Variants in ZBED6 observed in about 807,000 individuals in gnomAD.
The protein encoded by ZBED6 is zinc finger BED domain-containing protein 6.
ZBED6 carries 40 observed loss-of-function variants against 58.4 expected under a neutral mutation model. The observed-to-expected ratio is 0.68, with a 90% CI of 0.53 to 0.89. The LOEUF is 0.89. Ranked by LOEUF, ZBED6 falls within the 40% of genes least tolerant of loss-of-function variation. ZBED6 has a pLI of 0.00. For synonymous variants in ZBED6, 439 were observed against 350.6 expected, an observed-to-expected ratio of 1.25 and a Z score of -2.82; for missense variants, 1,057 against 1,003.9, an observed-to-expected ratio of 1.05 and a Z score of -0.71.
intron 4 of ZBED6, among the ~76,000 whole-genome samples, 197 bp downstream of exon 4, chr1:203,828,619 A>G (rs762064412): frequency 6.6e-6 from 1 of 152,208 alleles, no homozygotes; most frequent in South Asian, 2.1e-4. Flanking sequence ...ATATCTTGGC[A>G]TGCCATTTAA....
At chr1:203,840,605 A>ATTATTTATTTAT (rs534962124) in intron 11 of ZBED6, among the ~76,000 whole-genome samples, 9,191 of 147,628 alleles carry the variant, frequency 0.062, 325 homozygotes, top group Non-Finnish European at 0.072. Context: ...ATAGTAGGAA[A>ATTATTTATTTAT]TTATTTATTT....
At chr1:203,838,133 C>T in intron 10 of ZBED6, 69 bp downstream of exon 10, 2 of 1,423,916 alleles carry the variant, frequency 1.4e-6, no homozygotes, top group Non-Finnish European at 1.9e-6. Flanking sequence ...ATGCTAACAG[C>T]TATGGTTTTT....
intron 3 of ZBED6, among the ~76,000 whole-genome samples, chr1:203,821,866 T>C (rs1678837049): frequency 6.6e-6 from 1 of 151,958 alleles, no homozygotes; most frequent in African/African-American, 2.4e-5. Context: ...CACACCATTC[T>C]CCTGTTTCAG....
At chr1:203,851,650 C>T (rs1417661404) in intron 16 of ZBED6, among the ~76,000 whole-genome samples, 1 of 152,026 alleles carries the variant, frequency 6.6e-6, no homozygotes, top group African/African-American at 2.4e-5. Context: ...GTCTTTAACA[C>T]CTACTTTGAG....
exon 1 of ZBED6, chr1:203,800,386 A>G (rs1176168785): frequency 4.9e-6 from 5 of 1,026,120 alleles, no homozygotes; most frequent in Non-Finnish European, 7.3e-6. Flanking sequence ...AACTACGATT[A>G]TTCTACGTTG....
intron 11 of ZBED6, among the ~76,000 whole-genome samples, chr1:203,841,848 C>T (rs1340777178): frequency 2.7e-5 from 4 of 149,938 alleles, no homozygotes; most frequent in African/African-American, 9.8e-5. Flanking sequence ...GCAGACGGGG[C>T]GGCTGCCGGG....
At chr1:203,809,560 A>C (rs1301649960) in intron 1 of ZBED6, among the ~76,000 whole-genome samples, 1 of 152,196 alleles carries the variant, frequency 6.6e-6, no homozygotes, top group Admixed American at 6.5e-5. Flanking sequence ...TTTTAAAATA[A>C]TATGTCCTTT....
exon 1 of ZBED6, chr1:203,797,597 T>C (rs763224545): frequency 6.5e-7 from 1 of 1,534,348 alleles, no homozygotes; most frequent in South Asian, 1.2e-5. Context: ...TTAGTGATTC[T>C]GGGATTCTGG....
chr1:203,800,910 C>T (rs1295457571), exon 1 of ZBED6: 1 of 152,592 alleles, frequency 6.6e-6, no homozygotes, highest in Non-Finnish European at 1.5e-5. Flanking sequence ...TGCTTAATTA[C>T]AACTTGGCAA....
intron 3 of ZBED6, 109 bp downstream of exon 3, chr1:203,818,798 A>T: frequency 6.6e-7 from 1 of 1,518,570 alleles, no homozygotes; most frequent in Non-Finnish European, 8.9e-7. Context: ...GGCTGAGTGC[A>T]GTGGCTCATG....
intron 3 of ZBED6, among the ~76,000 whole-genome samples, chr1:203,820,487 T>TGTGTGTGTGTGTG (rs1553263519): frequency 2.0e-5 from 3 of 152,044 alleles, no homozygotes; most frequent in Non-Finnish European, 4.4e-5. Flanking sequence ...TGTGTGTATA[T>TGTGTGTGTGTGTG]TTTGAGTTGA....
At chr1:203,812,731 G>T (rs1674941044) in intron 1 of ZBED6, among the ~76,000 whole-genome samples, 1 of 151,830 alleles carries the variant, frequency 6.6e-6, no homozygotes, top group South Asian at 2.1e-4. Flanking sequence ...ACAGGTGTGT[G>T]CTACCACGGC....
rs1205448526 is a variant in ZBED6 at position 203,851,141 on chromosome 1, C to G, written c.*4873+17C>G. The G allele has an allele frequency of 5.6e-6, 9 of 1,613,046 alleles. No homozygotes were observed. The African/African-American group carries it at 1.2e-4, about 22-fold the overall frequency. On this transcript the variant is annotated intron_variant, in intron 16 of 16. Transcript: ENST00000550078. ...TAGAGACAGGTAATACTTTGTAATT[C>G]TTTCTAAACAAACTCCAGGCCCCTG...
intron 1 of ZBED6, among the ~76,000 whole-genome samples, chr1:203,806,901 T>A (rs1205494367): frequency 6.8e-6 from 1 of 147,898 alleles, no homozygotes; most frequent in Non-Finnish European, 1.5e-5. Flanking sequence ...TTTTTAACCA[T>A]TTTTTCTTTT....
chr1:203,819,834 G>A (rs965893286), intron 3 of ZBED6, among the ~76,000 whole-genome samples: 23 of 150,890 alleles, frequency 1.5e-4, no homozygotes, highest in South Asian at 4.3e-4. Flanking sequence ...GCGCCCAGCC[G>A]ACTCCAGCAA....
chr1:203,851,160 G>T, intron 16 of ZBED6, 36 bp downstream of exon 16: 7 of 1,600,506 alleles, frequency 4.4e-6, no homozygotes, highest in Non-Finnish European at 6.0e-6. Flanking sequence ...CAAACTCCAG[G>T]CCCCTGTTAC....
chr1:203,798,059 G>A, exon 1 of ZBED6: 2 of 1,535,706 alleles, frequency 1.3e-6, no homozygotes, highest in Admixed American at 3.9e-5. Context: ...TGCAAGCAAG[G>A]CATTCACCTC....
chr1:203,826,101 A>G (rs1445062193), intron 3 of ZBED6, among the ~76,000 whole-genome samples: 2 of 152,232 alleles, frequency 1.3e-5, no homozygotes, highest in African/African-American at 2.4e-5. Context: ...TTCTGCCTTG[A>G]GAAAGGAAGA....
intron 1 of ZBED6, among the ~76,000 whole-genome samples, chr1:203,810,010 C>CT (rs537617107): frequency 2.6e-5 from 4 of 151,340 alleles, no homozygotes; most frequent in Non-Finnish European, 4.4e-5. Flanking sequence ...AACCTAGATA[C>CT]TTTTTTTTTC....
Sources: gnomAD v4.1 joint callset for allele counts (sites outside exome capture counted in the v4.1 genomes callset) on GRCh38, gnomAD v4.1.1 for gene constraint, MANE v1.5 for transcripts, NCBI Gene and HGNC (gene_info 2026-07-23, HGNC 2026-07-21) for gene names.